Variants in LRRTM4 observed in about 807,000 individuals in gnomAD.
The protein encoded by LRRTM4 is leucine rich repeat transmembrane neuronal 4, also known as leucine-rich repeat transmembrane neuronal protein 4.
LRRTM4 carries 25 observed loss-of-function variants against 47.6 expected under a neutral mutation model. The ratio of observed to expected loss-of-function variants is 0.53; its 90% CI spans 0.38 to 0.73. The LOEUF (loss-of-function observed/expected upper bound fraction) is 0.73, where lower values mean the gene tolerates loss of function less well. Ranked by LOEUF, LRRTM4 falls within the 30% of genes least tolerant of loss-of-function variation. LRRTM4 has a pLI of 0.00. For synonymous variants in LRRTM4, 311 were observed against 269.5 expected, an observed-to-expected ratio of 1.15 and a Z score of -1.51; for missense variants, 638 against 713.4, an observed-to-expected ratio of 0.89 and a Z score of 1.20.
At chr2:77,446,351 G>A (rs1676049765) in intron 3 of LRRTM4, among the ~76,000 whole-genome samples, 1 of 151,866 alleles carries the variant, frequency 6.6e-6, no homozygotes, top group South Asian at 2.1e-4. Context: ...GTGTAATAAT[G>A]TTTCCATAAA....
chr2:77,049,641 A>AT (rs147839241), intron 3 of LRRTM4, among the ~76,000 whole-genome samples: 3,534 of 145,270 alleles, frequency 0.024, 153 homozygotes, highest in African/African-American at 0.082. Flanking sequence ...AATTAAATTA[A>AT]TTTTTTTGTT....
chr2:77,209,578 A>G (rs571912963), intron 3 of LRRTM4, among the ~76,000 whole-genome samples: 97 of 152,324 alleles, frequency 6.4e-4, no homozygotes, highest in African/African-American at 2.3e-3. Context: ...TTACAATTCA[A>G]ATAAAAATTC....
At chr2:76,957,079 G>T (rs745440203) in intron 3 of LRRTM4, among the ~76,000 whole-genome samples, 21 of 151,794 alleles carry the variant, frequency 1.4e-4, no homozygotes, top group Middle Eastern at 6.8e-3. Context: ...ATATTATTTG[G>T]CAAGAAAAGA....
In LRRTM4 at chr2:76,960,600, C is replaced by T. The variant is rs149999997; in HGVS notation, c.1552-211684G>A. Among the ~76,000 whole-genome samples, 445 of 151,384 alleles carry T rather than the reference C, an allele frequency of 2.9e-3. 3 individuals are homozygous for T. The highest frequency in any genetic ancestry group is 0.01 in the African/African-American group (426 of 41,338). On this transcript the variant is annotated intron_variant, in intron 3 of 3. Transcript: ENST00000409884. Reference sequence around the variant, plus strand: ...TTTAGCAAACACATGCATGTGTGTGCACACACACATATTATTTTCAATATC... The same window carrying T: ...TTTAGCAAACACATGCATGTGTGTGTACACACACATATTATTTTCAATATC...
chr2:77,386,633 G>T (rs1023965390), intron 3 of LRRTM4, among the ~76,000 whole-genome samples: 1 of 152,056 alleles, frequency 6.6e-6, no homozygotes, highest in Non-Finnish European at 1.5e-5. Flanking sequence ...GGGATTGCTG[G>T]GTCAAATGGT....
intron 3 of LRRTM4, among the ~76,000 whole-genome samples, chr2:77,480,822 GGA>G (rs67377276): frequency 0.014 from 1,077 of 74,414 alleles, 25 homozygotes; most frequent in Admixed American, 0.043. Flanking sequence ...GTGTGTGTGT[GGA>G]GAGAGAGAGA....
Position 77,499,437 on chromosome 2 carries a change from C to T in LRRTM4, c.1551+18881G>A, listed in dbSNP as rs191681331. Among the ~76,000 whole-genome samples, 149 of 151,934 alleles carry T rather than the reference C, an allele frequency of 9.8e-4. 3 individuals carry two copies. Among genetic ancestry groups the T allele is most frequent in the Admixed American group, 9.8e-3 (149 of 15,214 alleles). ...TACACACTTACCTGACCCTGCCCAGCTACACCAGGTGTTAATCTTGTCTCT... is the reference window on the plus strand; with the variant it reads ...TACACACTTACCTGACCCTGCCCAGTTACACCAGGTGTTAATCTTGTCTCT... On this transcript the variant is annotated intron_variant, in intron 3 of 3. Coordinates refer to ENST00000409884, the MANE Select transcript of LRRTM4 (RefSeq NM_001134745.3).
chr2:77,250,675 G>A (rs1236634489), intron 3 of LRRTM4, among the ~76,000 whole-genome samples: 1 of 152,082 alleles, frequency 6.6e-6, no homozygotes, highest in Admixed American at 6.6e-5. Context: ...TTTCAGAAAG[G>A]CAAAGGCTTA....
chr2:77,429,853 G>A (rs1377229387), intron 3 of LRRTM4, among the ~76,000 whole-genome samples: 1 of 152,056 alleles, frequency 6.6e-6, no homozygotes, highest in Non-Finnish European at 1.5e-5. Flanking sequence ...ATTGTTTTAA[G>A]TCAGGAGTTC....
intron 3 of LRRTM4, among the ~76,000 whole-genome samples, chr2:76,942,673 A>AGTGTGTGTGTGTGTGTGTGTGTGT (rs1558753067): frequency 2.6e-5 from 2 of 77,550 alleles, no homozygotes; most frequent in African/African-American, 1.9e-4. Flanking sequence ...AACCTCTAGG[A>AGTGTGTGTGTGTGTGTGTGTGTGT]ATCTGTGTGT....
At chr2:77,444,910 A>G (rs980360891) in intron 3 of LRRTM4, among the ~76,000 whole-genome samples, 1 of 149,194 alleles carries the variant, frequency 6.7e-6, no homozygotes, top group Non-Finnish European at 1.5e-5. Flanking sequence ...ACCTAAGCAC[A>G]TAGGCTCTGT....
intron 3 of LRRTM4, among the ~76,000 whole-genome samples, chr2:77,225,228 G>T (rs1392347761): frequency 8.2e-6 from 1 of 121,820 alleles, no homozygotes. Flanking sequence ...TGGGGGGAGG[G>T]GGGAGGGATA....
chr2:77,018,304 C>T (rs929059114), intron 3 of LRRTM4, among the ~76,000 whole-genome samples: 57 of 112,754 alleles, frequency 5.1e-4, no homozygotes, highest in African/African-American at 1.9e-3. Flanking sequence ...TGACTGTGAG[C>T]TGGTGAAAAG....
chr2:76,840,054 C>T (rs1671627514), intron 3 of LRRTM4, among the ~76,000 whole-genome samples: 1 of 152,054 alleles, frequency 6.6e-6, no homozygotes, highest in Admixed American at 6.6e-5. Context: ...CCAAGAAAAG[C>T]CTCCTTTAGC....
chr2:76,754,323 G>A (rs879636350), intron 3 of LRRTM4, among the ~76,000 whole-genome samples: 2 of 151,874 alleles, frequency 1.3e-5, no homozygotes, highest in African/African-American at 2.4e-5. Context: ...TTGGGTACTG[G>A]TTTTTTTCAA....
At chr2:76,834,271 G>A (rs892029962) in intron 3 of LRRTM4, among the ~76,000 whole-genome samples, 3 of 149,916 alleles carry the variant, frequency 2.0e-5, no homozygotes, top group East Asian at 2.0e-4. Context: ...GTCTGGTCTC[G>A]AACTCCTGAC....
intron 3 of LRRTM4, among the ~76,000 whole-genome samples, chr2:76,869,939 T>C (rs17013276): frequency 0.26 from 39,965 of 152,036 alleles, 6,121 homozygotes; most frequent in East Asian, 0.59. Context: ...GTGTGAATGA[T>C]AGTATAAGTC....
chr2:77,017,345 T>C (rs909331412), intron 3 of LRRTM4, among the ~76,000 whole-genome samples: 6 of 152,238 alleles, frequency 3.9e-5, no homozygotes, highest in African/African-American at 1.4e-4. Flanking sequence ...AAAATAATTA[T>C]ATCCTGAAAA....
At chr2:76,942,687 T>A (rs1304481901) in intron 3 of LRRTM4, among the ~76,000 whole-genome samples, 1 of 151,814 alleles carries the variant, frequency 6.6e-6, no homozygotes. Flanking sequence ...TGTGTGTGTG[T>A]GTGTGTGTGT....
Sources: allele counts gnomAD v4.1 joint callset (sites outside exome capture counted in the v4.1 genomes callset), GRCh38; gene constraint gnomAD v4.1.1; transcripts MANE v1.5; gene names NCBI Gene and HGNC (gene_info 2026-07-23, HGNC 2026-07-21).